HDAC8: variants seen among roughly 807,000 people sequenced by gnomAD.
HDAC8 encodes histone deacetylase-like 1.
HDAC8 carries 1 observed loss-of-function variant against 32.2 expected under a neutral mutation model. The ratio of observed to expected loss-of-function variants is 0.03; its 90% CI spans 0.01 to 0.15. The LOEUF (loss-of-function observed/expected upper bound fraction) is 0.15, where lower values mean the gene tolerates loss of function less well. Among genes scored for constraint, HDAC8 ranks in the 10% least tolerant of loss-of-function variants. The pLI, the probability that HDAC8 is intolerant of heterozygous loss-of-function variation, is 1.00. For synonymous variants in HDAC8, 108 were observed against 113.9 expected (o/e 0.95, Z 0.33); for missense variants, 117 against 300.0 (o/e 0.39, Z 4.51).
At chrX:72,427,087 G>A (rs942157654) in intron 9 of HDAC8, among the ~76,000 whole-genome samples, 20 of 110,023 alleles carry the variant, frequency 1.8e-4, no homozygotes, top group African/African-American at 6.6e-4. Context: ...TCCAGCCTGG[G>A]GTATTTTGTT....
chrX:72,551,108 C>CACACAT (rs2051055821), intron 4 of HDAC8, among the ~76,000 whole-genome samples: 1 of 110,526 alleles, frequency 9.0e-6, no homozygotes, highest in Admixed American at 9.6e-5. Context: ...CACACACACA[C>CACACAT]ACACAAAACT....
intron 9 of HDAC8, among the ~76,000 whole-genome samples, chrX:72,420,475 T>A (rs1209120462): frequency 2.7e-5 from 3 of 112,481 alleles, no homozygotes; most frequent in African/African-American, 9.7e-5. Context: ...TGATTTTAGT[T>A]ATTTGCATCT....
intron 4 of HDAC8, among the ~76,000 whole-genome samples, chrX:72,502,334 C>T (rs1004879308): frequency 4.5e-5 from 5 of 111,747 alleles, no homozygotes; most frequent in Admixed American, 9.5e-5. Flanking sequence ...ATGTTCACTG[C>T]GGCACTATTC....
intron 9 of HDAC8, among the ~76,000 whole-genome samples, chrX:72,384,748 G>T (rs781805022): frequency 6.2e-5 from 7 of 112,614 alleles, no homozygotes; most frequent in Non-Finnish European, 1.1e-4. Context: ...AGGATATTTT[G>T]TAAAAGAATA....
At chrX:72,446,203 A>G (rs2047388575) in intron 9 of HDAC8, among the ~76,000 whole-genome samples, 1 of 112,439 alleles carries the variant, frequency 8.9e-6, no homozygotes, top group Non-Finnish European at 1.9e-5. Context: ...CCAAAGGACT[A>G]TAAATCATGC....
At chrX:72,571,947 G>T in intron 2 of HDAC8, 110 bp downstream of exon 2, 1 of 614,720 alleles carries the variant, frequency 1.6e-6, no homozygotes, top group Non-Finnish European at 2.4e-6. Context: ...TTCACAGAAA[G>T]CTAAAATAAT....
At chrX:72,558,915 C>T (rs1156796886) in intron 4 of HDAC8, among the ~76,000 whole-genome samples, 1 of 110,561 alleles carries the variant, frequency 9.0e-6, no homozygotes, top group African/African-American at 3.3e-5. Context: ...AATTAATATA[C>T]ATAAATCAAT....
At chrX:72,412,532 G>A (rs1000781029) in intron 9 of HDAC8, among the ~76,000 whole-genome samples, 2 of 111,759 alleles carry the variant, frequency 1.8e-5, no homozygotes, top group Non-Finnish European at 3.8e-5. Context: ...CAACAGACTA[G>A]GTTTTGATAA....
chrX:72,393,753 C>T (rs997705036), intron 9 of HDAC8, among the ~76,000 whole-genome samples: 2 of 112,159 alleles, frequency 1.8e-5, no homozygotes, highest in African/African-American at 6.5e-5. Flanking sequence ...TTTGTCTCTA[C>T]TTAGGGATTA....
At chrX:72,471,697 G>T (rs2048181771) in intron 7 of HDAC8, among the ~76,000 whole-genome samples, 1 of 111,496 alleles carries the variant, frequency 9.0e-6, no homozygotes, top group Non-Finnish European at 1.9e-5. Flanking sequence ...TTCAAACCGG[G>T]TTGTCTTTTT....
At chrX:72,571,105 T>C (rs1369141134) in intron 2 of HDAC8, among the ~76,000 whole-genome samples, 1 of 110,409 alleles carries the variant, frequency 9.1e-6, no homozygotes, top group African/African-American at 3.3e-5. Context: ...TTTGTATTTT[T>C]AGTAGAGACG....
At chrX:72,532,860 C>T (rs1250057748) in intron 4 of HDAC8, among the ~76,000 whole-genome samples, 2 of 111,752 alleles carry the variant, frequency 1.8e-5, no homozygotes, top group Non-Finnish European at 3.8e-5. Context: ...TCATTTGCAG[C>T]ACACAAGTTT....
chrX:72,473,545 T>C, intron 7 of HDAC8: 1 of 212,097 alleles, frequency 4.7e-6, no homozygotes, highest in Non-Finnish European at 7.0e-6. Flanking sequence ...ATGGGGAAAC[T>C]GCCATACAGA....
chrX:72,529,801 C>T (rs1196584342), intron 4 of HDAC8, among the ~76,000 whole-genome samples: 1 of 111,379 alleles, frequency 9.0e-6, no homozygotes. Context: ...AATTGTGTCC[C>T]CCAGTGTTGT....
chrX:72,524,849 A>C (rs934164345), intron 4 of HDAC8, among the ~76,000 whole-genome samples: 25 of 111,123 alleles, frequency 2.2e-4, no homozygotes, highest in African/African-American at 7.5e-4. Flanking sequence ...GCTATTCCCT[A>C]CATGGTGCCC....
At chrX:72,347,191 T>C (rs2044054302) in intron 10 of HDAC8, among the ~76,000 whole-genome samples, 1 of 111,863 alleles carries the variant, frequency 8.9e-6, no homozygotes, top group African/African-American at 3.3e-5. Context: ...ATCTGTAAGA[T>C]AAATAGTAGC....
intron 9 of HDAC8, among the ~76,000 whole-genome samples, chrX:72,405,782 A>AT (rs2046020545): frequency 9.0e-6 from 1 of 110,787 alleles, no homozygotes; most frequent in Admixed American, 9.6e-5. Context: ...ATTTTGTGTA[A>AT]TTTTTTTCAG....
chrX:72,514,883 G>C (rs1556023947), intron 4 of HDAC8, among the ~76,000 whole-genome samples: 2 of 111,361 alleles, frequency 1.8e-5, no homozygotes, highest in African/African-American at 3.3e-5. Context: ...TAACTTGAGG[G>C]CTTGAGAAAT....
chrX:72,439,848 G>T (rs781838776), intron 9 of HDAC8, among the ~76,000 whole-genome samples: 1 of 111,182 alleles, frequency 9.0e-6, no homozygotes, highest in East Asian at 2.8e-4. Flanking sequence ...CCTAAAAAGA[G>T]ATTTAGACTC....
Sources: allele counts gnomAD v4.1 joint callset (sites outside exome capture counted in the v4.1 genomes callset), GRCh38; gene constraint gnomAD v4.1.1; transcripts MANE v1.5; gene names NCBI Gene and HGNC (gene_info 2026-07-23, HGNC 2026-07-21).